SAMD12: variants seen among roughly 807,000 people sequenced by gnomAD.
SAMD12 encodes sterile alpha motif domain containing 12.
A neutral mutation model predicts 15.0 loss-of-function variants in SAMD12; 9 were observed. That is an observed-to-expected ratio of 0.60 (90% CI 0.36 to 1.05). The LOEUF is 1.05. Among genes scored for constraint, SAMD12 ranks in the 50% least tolerant of loss-of-function variants. The probability of loss-of-function intolerance (pLI) is 0.01; values close to 1 mark genes in which losing one functional copy is unlikely to be tolerated. For synonymous variants in SAMD12, 86 were observed against 90.1 expected (o/e 0.96, Z 0.25); for missense variants, 230 against 234.2 (o/e 0.98, Z 0.12).
intron 4 of SAMD12, among the ~76,000 whole-genome samples, chr8:118,262,712 T>A (rs1813107880): frequency 6.6e-6 from 1 of 152,098 alleles, no homozygotes; most frequent in African/African-American, 2.4e-5. Context: ...TCTCCTTATG[T>A]CTTCCTGGGG....
At chr8:118,193,758 G>A (rs1328352408) in exon 5 of SAMD12, 1 of 151,926 alleles carries the variant, frequency 6.6e-6, no homozygotes, top group Admixed American at 6.6e-5. Flanking sequence ...TAAAAGAAGA[G>A]AGATGAAAGA....
intron 3 of SAMD12, among the ~76,000 whole-genome samples, chr8:118,406,222 T>A (rs1029556545): frequency 1.3e-5 from 2 of 152,118 alleles, no homozygotes; most frequent in African/African-American, 2.4e-5. Context: ...TTTTTTTTTT[T>A]AATGGTAGAA....
At chr8:118,471,545 C>T (rs1253077170) in intron 2 of SAMD12, among the ~76,000 whole-genome samples, 5 of 152,146 alleles carry the variant, frequency 3.3e-5, no homozygotes, top group African/African-American at 9.7e-5. Context: ...AGAAACTTGA[C>T]AAAAATCCCT....
At chr8:118,573,657 T>C (rs1382481520) in intron 2 of SAMD12, among the ~76,000 whole-genome samples, 2 of 152,210 alleles carry the variant, frequency 1.3e-5, no homozygotes, top group Non-Finnish European at 2.9e-5. Flanking sequence ...ATTGTGTGGC[T>C]AATATGCCAC....
At chr8:118,147,008 A>T in the SAMD12 span, among the ~76,000 whole-genome samples, 3 of 150,182 alleles carry the variant, frequency 2.0e-5, no homozygotes, top group African/African-American at 7.3e-5. Context: ...TAGAACAGCC[A>T]TGTTGTACCT....
intron 4 of SAMD12, among the ~76,000 whole-genome samples, chr8:118,339,455 T>C (rs1817241768): frequency 6.6e-6 from 1 of 152,146 alleles, no homozygotes; most frequent in African/African-American, 2.4e-5. Flanking sequence ...GGATGGTAGG[T>C]GGAAGGGGAG....
intron 3 of SAMD12, among the ~76,000 whole-genome samples, chr8:118,388,695 T>TTTGCTGGG (rs59724709): frequency 0.13 from 20,411 of 152,148 alleles, 1,758 homozygotes; most frequent in Non-Finnish European, 0.18. Context: ...CCAGAATATC[T>TTTGCTGGG]ACATTTCTTT....
At chr8:118,547,214 A>T (rs6983431) in intron 2 of SAMD12, among the ~76,000 whole-genome samples, 62,391 of 151,696 alleles carry the variant, frequency 0.41, 15,880 homozygotes, top group Admixed American at 0.59. Flanking sequence ...CGTCTTTTTT[A>T]AAAAAAATGT....
At chr8:118,170,576 G>T in the SAMD12 span, among the ~76,000 whole-genome samples, 2 of 152,072 alleles carry the variant, frequency 1.3e-5, no homozygotes, top group African/African-American at 4.8e-5. Flanking sequence ...ACAATTTAAT[G>T]GGGAAAAGGA....
chr8:118,188,438 G>C (rs569377922), downstream of SAMD12, among the ~76,000 whole-genome samples: 1 of 152,146 alleles, frequency 6.6e-6, no homozygotes, highest in South Asian at 2.1e-4. Context: ...AGATTTATAC[G>C]TGGAGTCAGT....
intron 4 of SAMD12, among the ~76,000 whole-genome samples, chr8:118,201,302 G>T (rs1386852577): frequency 6.6e-6 from 1 of 151,884 alleles, no homozygotes; most frequent in Non-Finnish European, 1.5e-5. Context: ...TTTTTCCCAG[G>T]GTGTCTTCTT....
intron 2 of SAMD12, among the ~76,000 whole-genome samples, chr8:118,548,419 A>C (rs886545423): frequency 5.4e-4 from 64 of 117,754 alleles, no homozygotes; most frequent in African/African-American, 1.9e-3. Flanking sequence ...ACACACACAC[A>C]CACACCCCAT....
chr8:118,144,573 TTAA>T, the SAMD12 span, among the ~76,000 whole-genome samples: 3 of 151,816 alleles, frequency 2.0e-5, no homozygotes, highest in Non-Finnish European at 2.9e-5. Flanking sequence ...TTTTATTGAA[TTAA>T]TAACATTTTT....
At chr8:118,151,259 C>T in the SAMD12 span, among the ~76,000 whole-genome samples, 1 of 151,928 alleles carries the variant, frequency 6.6e-6, no homozygotes, top group East Asian at 1.9e-4. Context: ...ATTGGTATTT[C>T]TTTTTTATGT....
intron 2 of SAMD12, among the ~76,000 whole-genome samples, chr8:118,472,905 A>G (rs7841369): frequency 0.029 from 4,447 of 152,202 alleles, 217 homozygotes; most frequent in African/African-American, 0.1. Context: ...AAAGGCTTAA[A>G]ATTGTCTCAA....
At chr8:118,463,513 C>G (rs1823497478) in intron 2 of SAMD12, among the ~76,000 whole-genome samples, 1 of 152,114 alleles carries the variant, frequency 6.6e-6, no homozygotes, top group South Asian at 2.1e-4. Context: ...GGGAAAGGAC[C>G]TGGGCTCTGG....
intron 2 of SAMD12, among the ~76,000 whole-genome samples, chr8:118,485,364 G>C (rs1427305704): frequency 6.6e-6 from 1 of 152,154 alleles, no homozygotes; most frequent in Non-Finnish European, 1.5e-5. Context: ...GAAGAGATGG[G>C]GGAAGGAGGA....
chr8:118,174,739 A>T, the SAMD12 span, among the ~76,000 whole-genome samples: 1 of 152,062 alleles, frequency 6.6e-6, no homozygotes, highest in African/African-American at 2.4e-5. Flanking sequence ...TAAATTTCAA[A>T]TCTACAGAAA....
chr8:118,364,257 A>G (rs1433362779), intron 4 of SAMD12, among the ~76,000 whole-genome samples: 1 of 152,120 alleles, frequency 6.6e-6, no homozygotes, highest in African/African-American at 2.4e-5. Flanking sequence ...TTGCCTAAGA[A>G]AACTTATTTC....
Sources: gnomAD v4.1 joint callset for allele counts (sites outside exome capture counted in the v4.1 genomes callset) on GRCh38, gnomAD v4.1.1 for gene constraint, MANE v1.5 for transcripts, NCBI Gene and HGNC (gene_info 2026-07-23, HGNC 2026-07-21) for gene names.